DLGAP2: variants seen among roughly 807,000 people sequenced by gnomAD.
The protein encoded by DLGAP2 is DLG associated protein 2.
In DLGAP2, 26 loss-of-function variants were observed where a neutral mutation model predicts 100.3. The observed-to-expected ratio is 0.26, with a 90% confidence interval of 0.19 to 0.36. DLGAP2 has a LOEUF of 0.36. Among genes scored for constraint, DLGAP2 ranks in the 10% least tolerant of loss-of-function variants. The pLI, the probability that DLGAP2 is intolerant of heterozygous loss-of-function variation, is 1.00. For missense variants in DLGAP2, 1,858 were observed against 1,453.2 expected (o/e 1.28, Z -4.53); for synonymous variants, 886 against 630.1 (o/e 1.41, Z -6.08).
intron 3 of DLGAP2, among the ~76,000 whole-genome samples, chr8:1,423,967 A>G (rs140915184): frequency 7.2e-5 from 11 of 152,230 alleles, no homozygotes; most frequent in African/African-American, 2.7e-4. Context: ...CTTGTGATCA[A>G]CTCACATGAC....
chr8:869,477 A>G lies in DLGAP2; in HGVS notation c.19-38435A>G, dbSNP rs566623423. ...TTGTACGCTGAGGGCTCAAATATAC[A>G]GTAATTAAAATAGACGTCTCTTTAT... On this transcript the variant is annotated intron_variant, in intron 1 of 14. Transcript: ENST00000637795. Among the ~76,000 whole-genome samples the G allele has an allele frequency of 3.3e-5, 5 of 152,340 alleles. No individual in the cohort carries two copies. The East Asian group carries it at 9.6e-4, about 29-fold the overall frequency.
At chr8:1,283,033 G>A (rs2011109) in intron 3 of DLGAP2, among the ~76,000 whole-genome samples, 18,334 of 117,990 alleles carry the variant, frequency 0.16, 1,114 homozygotes, top group East Asian at 0.26. Flanking sequence ...AGCCCAGCAC[G>A]TGAACCATCT....
intron 3 of DLGAP2, among the ~76,000 whole-genome samples, chr8:1,315,660 C>T (rs544148236): frequency 8.4e-6 from 1 of 119,412 alleles, no homozygotes; most frequent in South Asian, 3.1e-4. Flanking sequence ...CAGCGTCTCT[C>T]CAACAGTGGT....
intron 2 of DLGAP2, chr8:927,091 G>A: frequency 1.0e-6 from 1 of 985,434 alleles, no homozygotes; most frequent in Non-Finnish European, 1.2e-6. Context: ...GGGCCCCAGT[G>A]GCCGGGATGG....
At chr8:1,546,463 C>G (rs1334970959) in intron 4 of DLGAP2, among the ~76,000 whole-genome samples, 1 of 152,242 alleles carries the variant, frequency 6.6e-6, no homozygotes, top group Non-Finnish European at 1.5e-5. Flanking sequence ...CCTTCCTTAT[C>G]CCATGTTTCC....
chr8:1,063,236 C>T (rs1294143465), intron 2 of DLGAP2, among the ~76,000 whole-genome samples: 1 of 152,176 alleles, frequency 6.6e-6, no homozygotes, highest in Non-Finnish European at 1.5e-5. Flanking sequence ...GCAGAGATTC[C>T]AAGATTTAGC....
At chr8:1,416,460 A>G (rs940356511) in intron 3 of DLGAP2, among the ~76,000 whole-genome samples, 2 of 152,216 alleles carry the variant, frequency 1.3e-5, no homozygotes, top group African/African-American at 4.8e-5. Context: ...AGAACAGTCC[A>G]TCAGGCGGAG....
chr8:793,988 T>C (rs983501105), intron 1 of DLGAP2, among the ~76,000 whole-genome samples: 10 of 152,184 alleles, frequency 6.6e-5, no homozygotes, highest in African/African-American at 2.4e-4. Flanking sequence ...TCTGAAATCC[T>C]TTTGGCCTGT....
At chr8:1,447,547 C>G (rs1000527167) in intron 3 of DLGAP2, among the ~76,000 whole-genome samples, 3 of 152,162 alleles carry the variant, frequency 2.0e-5, no homozygotes, top group Non-Finnish European at 2.9e-5. Context: ...GTAAAATTCT[C>G]TTTTTCGGTT....
intron 1 of DLGAP2, among the ~76,000 whole-genome samples, chr8:819,370 G>T (rs908954268): frequency 5.3e-5 from 8 of 152,172 alleles, no homozygotes; most frequent in African/African-American, 1.9e-4. Flanking sequence ...GGAAACTTCC[G>T]TGAAACAGGT....
At chr8:1,134,572 G>T (rs959858547) in intron 2 of DLGAP2, among the ~76,000 whole-genome samples, 4 of 152,092 alleles carry the variant, frequency 2.6e-5, no homozygotes, top group Admixed American at 2.0e-4. Context: ...TATTAATAAT[G>T]TAAGCAATGT....
rs139863367 is a variant in DLGAP2 at position 1,436,345 on chromosome 8, T to C, written c.107-65021T>C. ...GTTCAAGGGCAGGAGGCATCCAGCA[T>C]GGGAGAAACATGGAGGCTGGAAGAC... On this transcript the variant is annotated intron_variant, in intron 3 of 14. Coordinates refer to ENST00000637795, the MANE Select transcript of DLGAP2 (RefSeq NM_001346810.2). 1.5e-3 allele frequency among the ~76,000 whole-genome samples: 235 copies of C among 152,308 alleles called. 1 individual carries two copies. Among genetic ancestry groups the C allele is most frequent in the African/African-American group, 5.4e-3 (223 of 41,576 alleles).
intron 6 of DLGAP2, among the ~76,000 whole-genome samples, chr8:1,617,620 T>C (rs776336185): frequency 2.0e-5 from 3 of 152,236 alleles, no homozygotes; most frequent in Non-Finnish European, 2.9e-5. Flanking sequence ...TAGACCTTTG[T>C]TGGATGCATA....
chr8:949,581 G>A (rs1251087588), intron 2 of DLGAP2, among the ~76,000 whole-genome samples: 1 of 152,188 alleles, frequency 6.6e-6, no homozygotes, highest in African/African-American at 2.4e-5. Flanking sequence ...CGCGTGCCAG[G>A]GCGTGTGCTC....
At chr8:1,078,229 T>A (rs950866151) in intron 2 of DLGAP2, among the ~76,000 whole-genome samples, 1 of 152,190 alleles carries the variant, frequency 6.6e-6, no homozygotes, top group African/African-American at 2.4e-5. Flanking sequence ...AACAGTGGCT[T>A]GCACTGTTTT....
At chr8:1,484,324 C>T (rs1199900334) in intron 3 of DLGAP2, among the ~76,000 whole-genome samples, 3 of 152,252 alleles carry the variant, frequency 2.0e-5, no homozygotes, top group African/African-American at 7.2e-5. Flanking sequence ...CAGAATTCAT[C>T]ATTTCTGATT....
At chr8:1,597,893 A>G (rs544644061) in intron 6 of DLGAP2, among the ~76,000 whole-genome samples, 6 of 152,188 alleles carry the variant, frequency 3.9e-5, no homozygotes, top group Non-Finnish European at 8.8e-5. Context: ...TGACCAGAAC[A>G]TCCATCACTA....
chr8:1,211,898 A>C (rs142411485), intron 2 of DLGAP2, among the ~76,000 whole-genome samples: 1 of 152,228 alleles, frequency 6.6e-6, no homozygotes, highest in East Asian at 1.9e-4. Context: ...AAATAAAAAA[A>C]TAAAAATAAT....
chr8:882,264 C>T (rs4633085), intron 1 of DLGAP2, among the ~76,000 whole-genome samples: 2 of 143,296 alleles, frequency 1.4e-5, no homozygotes, highest in African/African-American at 2.7e-5. Flanking sequence ...CTCCTGCGGG[C>T]ACCCGTGCCT....
Sources: allele counts gnomAD v4.1 joint callset (sites outside exome capture counted in the v4.1 genomes callset), GRCh38; gene constraint gnomAD v4.1.1; transcripts MANE v1.5; gene names NCBI Gene and HGNC (gene_info 2026-07-23, HGNC 2026-07-21).